PLCG2: variants seen among roughly 807,000 people sequenced by gnomAD.
PLCG2 encodes 1-phosphatidylinositol 4,5-bisphosphate phosphodiesterase gamma-2.
In PLCG2, 69 loss-of-function variants were observed where a neutral mutation model predicts 175.6. The observed-to-expected ratio is 0.39, with a 90% CI of 0.32 to 0.48. The LOEUF is 0.48. Among genes scored for constraint, PLCG2 ranks in the 20% least tolerant of loss-of-function variants. The pLI is 0.91. For synonymous variants in PLCG2, 827 were observed against 624.0 expected, an observed-to-expected ratio of 1.33 and a Z score of -4.85; for missense variants, 1,798 against 1,650.9, an observed-to-expected ratio of 1.09 and a Z score of -1.54.
rs529092874 is a variant in PLCG2, at chr16:81,962,591, T to G, written c.*4593T>G. 1.7e-4 allele frequency: 38 copies of G among 222,736 alleles called. 1 individual carries two copies. In the South Asian group the frequency reaches 6.3e-3, roughly 37 times the overall value. 13.8% of individuals were successfully genotyped at this position (222,736 alleles called of 1,614,324 possible). A position where few individuals can be genotyped will look rare whatever the true frequency, so the allele number is the denominator to read the frequency against. On this transcript the variant is annotated 3_prime_UTR_variant, in exon 33 of 33. Transcript: ENST00000564138. The stretch of plus-strand genomic sequence containing the variant: ...GTATGTGCTTTGTGTACATAGAGAA[T>G]TAAGTGAATGAGTCACACAGATGTT...
chr16:81,742,693 T>C (rs2143046053), intron 1 of PLCG2, among the ~76,000 whole-genome samples: 1 of 152,262 alleles, frequency 6.6e-6, no homozygotes, highest in East Asian at 1.9e-4. Flanking sequence ...TGATAGCACA[T>C]ATAATCATTT....
chr16:81,939,875 C>T lies in PLCG2; in HGVS notation c.3314-17C>T. 6.2e-7 allele frequency: 1 copy of T among 1,601,168 alleles called. No homozygotes were observed. The highest frequency in any genetic ancestry group is 1.1e-5 in the South Asian group (1 of 90,818). ...CAGCTCCAATGTGGCCTCTCATGAGCTTTGATCTCCTTCCAGATGATAATG... is the reference window on the plus strand; with the variant it reads ...CAGCTCCAATGTGGCCTCTCATGAGTTTTGATCTCCTTCCAGATGATAATG... On this transcript the variant is annotated splice_polypyrimidine_tract_variant and intron_variant, in intron 29 of 32. Transcript: ENST00000564138.
chr16:81,806,773 A>C (rs1904283125), intron 2 of PLCG2, among the ~76,000 whole-genome samples: 1 of 152,020 alleles, frequency 6.6e-6, no homozygotes, highest in South Asian at 2.1e-4. Context: ...GGAAAAGTTG[A>C]AGGAGTGGGC....
chr16:81,954,618 C>T (rs1268973028), intron 31 of PLCG2, among the ~76,000 whole-genome samples: 1 of 152,196 alleles, frequency 6.6e-6, no homozygotes, highest in Non-Finnish European at 1.5e-5. Context: ...AGTTTGCTGG[C>T]TGAGGATGAT....
At chr16:81,765,851 T>C (rs1910138544) in intron 2 of PLCG2, among the ~76,000 whole-genome samples, 1 of 152,170 alleles carries the variant, frequency 6.6e-6, no homozygotes, top group African/African-American at 2.4e-5. Flanking sequence ...GAATGTCCCC[T>C]GTGGACAGCT....
chr16:81,822,209 A>G (rs1904829851), intron 2 of PLCG2, among the ~76,000 whole-genome samples: 1 of 152,052 alleles, frequency 6.6e-6, no homozygotes, highest in Non-Finnish European at 1.5e-5. Context: ...TCCTGGGAAG[A>G]TGTTCCAAAA....
intron 2 of PLCG2, among the ~76,000 whole-genome samples, chr16:81,826,903 G>A (rs1341007905): frequency 6.6e-6 from 1 of 152,166 alleles, no homozygotes; most frequent in African/African-American, 2.4e-5. Context: ...TGAGGTCTTG[G>A]TTTATCCCTG....
At chr16:81,865,577 C>T (rs1907187299) in intron 5 of PLCG2, among the ~76,000 whole-genome samples, 1 of 152,202 alleles carries the variant, frequency 6.6e-6, no homozygotes, top group South Asian at 2.1e-4. Flanking sequence ...GCTCTGGCAC[C>T]CCAGGCCCCT....
In PLCG2 at chr16:81,786,088, C is replaced by G. The variant is rs760188007; in HGVS notation, c.99C>G (p.Phe33Leu). Residue 33 changes from phenylalanine to leucine, a missense_variant, in exon 2 of 33, where the codon TTC (phenylalanine) becomes TTG (leucine). Physicochemically the swap from Phe to Leu is conservative, Grantham distance 22. Coordinates refer to ENST00000564138, the MANE Select transcript of PLCG2 (RefSeq NM_002661.5). The stretch of plus-strand genomic sequence containing the variant: ...GGACGGTGATGACTGTGTTCAGCTT[C>G]CGCAAGTCCACCCCCGAGCGGAGAA... ...ELGTVMTVFS[F>L]RKSTPERRTV... The G allele has an allele frequency of 6.2e-7, 1 of 1,614,226 alleles. No homozygotes were observed. Among genetic ancestry groups the G allele is most frequent in the South Asian group, 1.1e-5 (1 of 91,080 alleles).
chr16:81,900,146 T>C (rs1909084334), intron 13 of PLCG2, among the ~76,000 whole-genome samples: 1 of 152,158 alleles, frequency 6.6e-6, no homozygotes, highest in South Asian at 2.1e-4. Context: ...TGAATGAGAA[T>C]ATATAAAACC....
At chr16:81,785,017 C>A (rs8047206) in intron 1 of PLCG2, among the ~76,000 whole-genome samples, 62,305 of 151,918 alleles carry the variant, frequency 0.41, 13,019 homozygotes, top group South Asian at 0.64. Context: ...CCTTCTGGCT[C>A]TGCATCTGAG....
At chr16:81,741,328 C>A (rs894790940) in intron 1 of PLCG2, among the ~76,000 whole-genome samples, 6 of 152,224 alleles carry the variant, frequency 3.9e-5, no homozygotes, top group Admixed American at 1.3e-4. Flanking sequence ...TGTTCAAGCT[C>A]ACACAGCCAG....
In PLCG2 at chr16:81,923,594, G is replaced by A. The variant is rs774022650; in HGVS notation, c.2417G>A (p.Trp806Ter). ...IHNVSKEPGG[W>*]WKGDYGTRIQ... ...AATGTCTCCAAGGAGCCCGGGGGCT[G>A]GTAAGGCTGAGTGGAGGCTGGGCTG... The change falls in exon 22 of 33, where the codon TGG (tryptophan) becomes TAG (stop). Residue 806 changes from tryptophan to a stop codon, truncating the protein, a stop_gained and splice_region_variant. Coordinates refer to ENST00000564138, the MANE Select transcript of PLCG2 (RefSeq NM_002661.5). LOFTEE classifies it high-confidence loss of function. 1 of 1,594,148 alleles carries A rather than the reference G, an allele frequency of 6.3e-7. No individual in the cohort carries two copies. The highest frequency in any genetic ancestry group is 1.1e-5 in the South Asian group (1 of 90,530).
chr16:81,885,399 A>G (rs1429730505), intron 9 of PLCG2, among the ~76,000 whole-genome samples: 1 of 152,184 alleles, frequency 6.6e-6, no homozygotes, highest in Admixed American at 6.5e-5. Context: ...CCTGGGCTCA[A>G]GTGACTCACC....
chr16:81,847,433 G>C (rs1378690958), intron 2 of PLCG2, among the ~76,000 whole-genome samples: 1 of 151,970 alleles, frequency 6.6e-6, no homozygotes, highest in Non-Finnish European at 1.5e-5. Context: ...CTGGACGTTG[G>C]GGGTAGGGCT....
In PLCG2 at chr16:81,946,282, G is replaced by C. The variant is rs754740722; in HGVS notation, c.3570+19G>C. ...AGTCCTGGTGAGTGGAGAAACACCA[G>C]TTAAGGGTTCCCTGAGCTATGCCTG... On this transcript the variant is annotated intron_variant, in intron 31 of 32. Coordinates refer to ENST00000564138, the MANE Select transcript of PLCG2 (RefSeq NM_002661.5). 6.3e-7 allele frequency: 1 copy of C among 1,586,862 alleles called. No individual in the cohort carries two copies. Among genetic ancestry groups the C allele is most frequent in the East Asian group, 2.2e-5 (1 of 44,714 alleles).
At position 81,889,214 on chromosome 16, in the gene PLCG2, A is replaced by C; in HGVS notation, c.808A>C (p.Thr270Pro). 6.2e-7 allele frequency: 1 copy of C among 1,606,550 alleles called. No individual in the cohort carries two copies. The highest frequency in any genetic ancestry group is 8.5e-7 in the Non-Finnish European group (1 of 1,176,638). Residue 270 changes from threonine to proline, a missense_variant, in exon 10 of 33, where the codon ACA (threonine) becomes CCA (proline). Coordinates refer to ENST00000564138, the MANE Select transcript of PLCG2 (RefSeq NM_002661.5). ...TCTGAACAAAGTCCGTGAGCGGATG[A>C]CAAAGTTCATTGATGACACCATGCG... is the stretch of plus-strand genomic sequence containing the variant. Reference protein sequence around the residue: ...QDLNKVRERMTKFIDDTMRET... With the variant: ...QDLNKVRERMPKFIDDTMRET...
At chr16:81,762,584 G>A (rs571310967) in intron 2 of PLCG2, among the ~76,000 whole-genome samples, 1 of 151,636 alleles carries the variant, frequency 6.6e-6, no homozygotes, top group Non-Finnish European at 1.5e-5. Flanking sequence ...AAAAAAAAGT[G>A]TATAAAATTG....
At position 81,900,775 on chromosome 16, in the gene PLCG2, A is replaced by T; in HGVS notation, c.1357A>T (p.Ile453Phe). ...SPSQLREKII[I>F]KHKKLGPRGD... is the part of the protein sequence containing the mutation. Reference sequence around the variant, plus strand: ...CAGCCAGCTGCGGGAGAAGATCATCATCAAGGTAGGCACCCCGGGTGCTGC... The same window carrying T: ...CAGCCAGCTGCGGGAGAAGATCATCTTCAAGGTAGGCACCCCGGGTGCTGC... Residue 453 changes from isoleucine (I) to phenylalanine (F), a missense_variant, in exon 14 of 33, where the codon ATC becomes TTC. Physicochemically the swap from Ile to Phe is conservative, Grantham distance 21 (BLOSUM62 0). Coordinates refer to ENST00000564138, the MANE Select transcript of PLCG2 (RefSeq NM_002661.5). 1 of 1,598,026 alleles carries T rather than the reference A, an allele frequency of 6.3e-7. No homozygotes were observed. Among genetic ancestry groups the T allele is most frequent in the Non-Finnish European group, 8.6e-7 (1 of 1,166,646 alleles).
Sources: gnomAD v4.1 joint callset for allele counts (sites outside exome capture counted in the v4.1 genomes callset) on GRCh38, gnomAD v4.1.1 for gene constraint, MANE v1.5 for transcripts, NCBI Gene and HGNC (gene_info 2026-07-23, HGNC 2026-07-21) for gene names.